ADGB: variants seen among roughly 807,000 people sequenced by gnomAD.
The protein encoded by ADGB is androglobin, also known as calpain-7-like protein.
In ADGB, 172 loss-of-function variants were observed where a neutral mutation model predicts 210.5. The observed-to-expected ratio is 0.82, with a 90% CI of 0.72 to 0.93. The LOEUF is 0.93. ADGB is among the 40% of genes least tolerant of loss of function. The probability of loss-of-function intolerance (pLI) is 0.00; values close to 1 mark genes in which losing one functional copy is unlikely to be tolerated. For synonymous variants in ADGB, 658 were observed against 662.7 expected (o/e 0.99, Z 0.11); for missense variants, 2,025 against 1,964.8 (o/e 1.03, Z -0.58).
At chr6:146,745,662 T>C (rs1371691784) in intron 25 of ADGB, among the ~76,000 whole-genome samples, 1 of 152,188 alleles carries the variant, frequency 6.6e-6, no homozygotes, top group Non-Finnish European at 1.5e-5. Context: ...TAATCATCTA[T>C]TGTAGTTAAG....
chr6:146,644,132 G>A (rs1312144758), intron 2 of ADGB, among the ~76,000 whole-genome samples: 3 of 151,640 alleles, frequency 2.0e-5, no homozygotes, highest in Non-Finnish European at 4.4e-5. Context: ...TCTATATCTT[G>A]ACTGTCAATG....
At chr6:146,808,375 C>T (rs1477728337) in intron 35 of ADGB, among the ~76,000 whole-genome samples, 1 of 152,140 alleles carries the variant, frequency 6.6e-6, no homozygotes, top group Admixed American at 6.5e-5. Flanking sequence ...CTTAGCCCAC[C>T]CAAAGTGTTA....
At chr6:146,754,189 A>G (rs1777368979) in intron 27 of ADGB, among the ~76,000 whole-genome samples, 1 of 151,330 alleles carries the variant, frequency 6.6e-6, no homozygotes, top group Non-Finnish European at 1.5e-5. Context: ...ATTTGCATAA[A>G]GGATTTTTTA....
chr6:146,691,856 GTGTT>G (rs1013571560), intron 11 of ADGB, among the ~76,000 whole-genome samples: 38 of 151,656 alleles, frequency 2.5e-4, no homozygotes, highest in South Asian at 1.7e-3. Context: ...CCAGTTTTTT[GTGTT>G]TGTTTGTTTG....
intron 20 of ADGB, among the ~76,000 whole-genome samples, chr6:146,732,054 T>C (rs1161555164): frequency 6.6e-6 from 1 of 152,180 alleles, no homozygotes; most frequent in African/African-American, 2.4e-5. Context: ...TAACCGAGCC[T>C]CCTATGTGTC....
At chr6:146,633,605 C>T (rs897264826) in intron 1 of ADGB, among the ~76,000 whole-genome samples, 28 of 152,106 alleles carry the variant, frequency 1.8e-4, no homozygotes, top group African/African-American at 6.8e-4. Flanking sequence ...CTTCCTGTAT[C>T]TGGAGCATTC....
At chr6:146,754,511 G>A (rs1175016583) in intron 27 of ADGB, among the ~76,000 whole-genome samples, 1 of 151,594 alleles carries the variant, frequency 6.6e-6, no homozygotes, top group African/African-American at 2.4e-5. Flanking sequence ...TATACTTAAT[G>A]CTATACATTT....
chr6:146,803,281 AC>A, intron 35 of ADGB: 1 of 1,605,618 alleles, frequency 6.2e-7, no homozygotes, highest in African/African-American at 1.3e-5. Flanking sequence ...TCAGAAAAAA[AC>A]CCACTATATT....
chr6:146,716,562 C>T (rs1190957485), intron 14 of ADGB, among the ~76,000 whole-genome samples: 6 of 129,736 alleles, frequency 4.6e-5, no homozygotes, highest in Admixed American at 1.8e-4. Context: ...CACTGCAGTC[C>T]GCAGTCCCAC....
At chr6:146,781,452 AG>A (rs1777798924) in intron 29 of ADGB, among the ~76,000 whole-genome samples, 1 of 151,034 alleles carries the variant, frequency 6.6e-6, no homozygotes, top group Non-Finnish European at 1.5e-5. Context: ...AGAGAAATTA[AG>A]AAATTCTTAG....
At chr6:146,677,114 G>T (rs192876911) in intron 9 of ADGB, among the ~76,000 whole-genome samples, 122 of 152,198 alleles carry the variant, frequency 8.0e-4, no homozygotes, top group Admixed American at 1.5e-3. Context: ...AGACCCCTTG[G>T]CTACCGCATT....
chr6:146,641,482 C>T (rs539824470), intron 2 of ADGB, among the ~76,000 whole-genome samples: 10 of 150,880 alleles, frequency 6.6e-5, no homozygotes, highest in East Asian at 1.9e-4. Context: ...AGGAATCACG[C>T]GACCTGACTT....
intron 1 of ADGB, among the ~76,000 whole-genome samples, chr6:146,608,456 T>G (rs1031183211): frequency 4.6e-5 from 7 of 152,124 alleles, no homozygotes; most frequent in Non-Finnish European, 1.0e-4. Flanking sequence ...TTCCTCTTGT[T>G]GTGATGTTAG....
At chr6:146,774,028 C>T (rs2114636214) in intron 29 of ADGB, among the ~76,000 whole-genome samples, 1 of 152,302 alleles carries the variant, frequency 6.6e-6, no homozygotes, top group South Asian at 2.1e-4. Flanking sequence ...GGAAATTAAA[C>T]TCCATCTAGG....
chr6:146,809,654 T>C (rs1024159724), intron 35 of ADGB, among the ~76,000 whole-genome samples: 1 of 152,176 alleles, frequency 6.6e-6, no homozygotes, highest in Non-Finnish European at 1.5e-5. Context: ...CTTAAAAATA[T>C]TTAATACTCC....
intron 1 of ADGB, chr6:146,600,329 C>A: frequency 3.8e-6 from 1 of 262,616 alleles, no homozygotes; most frequent in Non-Finnish European, 8.1e-6. Flanking sequence ...TTCCATTCCT[C>A]TAGGTCCAAG....
At chr6:146,779,901 A>C (rs1338896361) in intron 29 of ADGB, among the ~76,000 whole-genome samples, 2 of 151,564 alleles carry the variant, frequency 1.3e-5, no homozygotes, top group Non-Finnish European at 2.9e-5. Flanking sequence ...TTGAAGCTAC[A>C]TAAAGAAATA....
intron 1 of ADGB, among the ~76,000 whole-genome samples, chr6:146,600,732 A>G (rs1453092692): frequency 3.7e-5 from 5 of 133,964 alleles, no homozygotes; most frequent in African/African-American, 1.4e-4. Context: ...TTTTTTTTTC[A>G]TTTGTCTTCC....
At chr6:146,599,765 T>C (rs1424612899) in intron 1 of ADGB, among the ~76,000 whole-genome samples, 3 of 152,184 alleles carry the variant, frequency 2.0e-5, no homozygotes, top group Admixed American at 1.3e-4. Flanking sequence ...TGATTATTAT[T>C]TTCTGTGGTC....
Sources: gnomAD v4.1 joint callset for allele counts (sites outside exome capture counted in the v4.1 genomes callset) on GRCh38, gnomAD v4.1.1 for gene constraint, MANE v1.5 for transcripts, NCBI Gene and HGNC (gene_info 2026-07-23, HGNC 2026-07-21) for gene names.